The following KCNIP4 variants were observed in gnomAD, a reference collection of about 807,000 sequenced individuals.
KCNIP4 encodes the protein potassium voltage-gated channel interacting protein 4, also known as Kv channel-interacting protein 4.
In KCNIP4, 12 loss-of-function variants were observed where a neutral mutation model predicts 34.0. That is an observed-to-expected ratio of 0.35 (90% CI 0.23 to 0.57). KCNIP4 has a LOEUF of 0.57. Ranked by LOEUF, KCNIP4 falls within the 20% of genes least tolerant of loss-of-function variation. The pLI is 0.83. For synonymous variants in KCNIP4, 124 were observed against 102.2 expected (o/e 1.21, Z -1.29); for missense variants, 238 against 311.7 (o/e 0.76, Z 1.78).
chr4:20,887,940 A>C (rs1725501416), intron 1 of KCNIP4, among the ~76,000 whole-genome samples: 1 of 152,110 alleles, frequency 6.6e-6, no homozygotes, highest in African/African-American at 2.4e-5. Context: ...CAATAATAAC[A>C]TGAAAGTTGG....
chr4:20,938,731 AC>A (rs1266205275), intron 1 of KCNIP4, among the ~76,000 whole-genome samples: 1 of 152,164 alleles, frequency 6.6e-6, no homozygotes, highest in Non-Finnish European at 1.5e-5. Context: ...AAACAAAGAA[AC>A]AACACCTCTT....
chr4:21,652,191 A>T (rs772055074), intron 1 of KCNIP4, among the ~76,000 whole-genome samples: 1 of 152,154 alleles, frequency 6.6e-6, no homozygotes, highest in South Asian at 2.1e-4. Flanking sequence ...TGCTGGCTTG[A>T]CTATCACACC....
rs1177844370 is a variant in KCNIP4 at position 20,730,229 on chromosome 4, A to G, written c.706-100T>C. The G allele has an allele frequency of 2.9e-6, 4 of 1,389,060 alleles. No homozygotes were observed. In the East Asian group the frequency reaches 1.0e-4, roughly 35 times the overall value. 86.0% of individuals were successfully genotyped at this position (1,389,060 alleles called of 1,614,324 possible). A position where few individuals can be genotyped will look rare whatever the true frequency, so the allele number is the denominator to read the frequency against. ...TTGCCTCCTCCCATCAACCACCTCAACCACCTATGCCAAAAGCTCAAATAT... is the reference window on the plus strand; with the variant it reads ...TTGCCTCCTCCCATCAACCACCTCAGCCACCTATGCCAAAAGCTCAAATAT... On this transcript the variant is annotated intron_variant, in intron 8 of 8. Coordinates refer to ENST00000382152, the MANE Select transcript of KCNIP4 (RefSeq NM_025221.6).
intron 1 of KCNIP4, among the ~76,000 whole-genome samples, chr4:21,580,778 A>T (rs1006679266): frequency 1.3e-5 from 2 of 152,114 alleles, no homozygotes; most frequent in African/African-American, 4.8e-5. Flanking sequence ...TTAGTCAACA[A>T]GTACCTTATA....
At chr4:20,802,176 A>ATATATGC (rs1714354674) in intron 3 of KCNIP4, among the ~76,000 whole-genome samples, 8 of 115,750 alleles carry the variant, frequency 6.9e-5, no homozygotes, top group African/African-American at 2.6e-4. Context: ...TATATATGCT[A>ATATATGC]TATATATGCT....
At chr4:21,629,841 T>TTTTC (rs1257009807) in intron 1 of KCNIP4, among the ~76,000 whole-genome samples, 8 of 97,278 alleles carry the variant, frequency 8.2e-5, no homozygotes, top group East Asian at 3.4e-4. Flanking sequence ...TTCCTTTTCT[T>TTTTC]TTTCTTTCTT....
At chr4:21,094,586 T>A (rs1747302458) in intron 1 of KCNIP4, among the ~76,000 whole-genome samples, 1 of 152,190 alleles carries the variant, frequency 6.6e-6, no homozygotes, top group Non-Finnish European at 1.5e-5. Context: ...CGTCTCCTGA[T>A]AATCACATCC....
At chr4:21,469,499 T>TA (rs1251002282) in intron 1 of KCNIP4, among the ~76,000 whole-genome samples, 2 of 152,222 alleles carry the variant, frequency 1.3e-5, no homozygotes, top group African/African-American at 2.4e-5. Flanking sequence ...TATCTTCATC[T>TA]TAAAAACATG....
intron 1 of KCNIP4, among the ~76,000 whole-genome samples, chr4:21,084,502 A>G (rs1379106406): frequency 6.7e-6 from 1 of 149,198 alleles, no homozygotes; most frequent in Non-Finnish European, 1.5e-5. Flanking sequence ...AGGCCTGAGA[A>G]TAGACTGGGT....
At chr4:21,445,660 C>A (rs1362466261) in intron 1 of KCNIP4, among the ~76,000 whole-genome samples, 2 of 152,138 alleles carry the variant, frequency 1.3e-5, no homozygotes, top group Non-Finnish European at 2.9e-5. Context: ...AGACCTAAAA[C>A]CATAAAAACC....
chr4:21,264,984 G>A (rs373046967), intron 1 of KCNIP4, among the ~76,000 whole-genome samples: 139 of 151,924 alleles, frequency 9.1e-4, no homozygotes, highest in Admixed American at 2.2e-3. Flanking sequence ...CTGTGATCCC[G>A]GCAACTCGGG....
intron 1 of KCNIP4, among the ~76,000 whole-genome samples, chr4:21,471,179 C>A (rs2109805354): frequency 6.6e-6 from 1 of 152,236 alleles, no homozygotes; most frequent in South Asian, 2.1e-4. Context: ...CTCTCTGTGG[C>A]TTTTACTATC....
chr4:21,100,744 G>T (rs574929124), intron 1 of KCNIP4, among the ~76,000 whole-genome samples: 2 of 152,000 alleles, frequency 1.3e-5, no homozygotes, highest in South Asian at 4.2e-4. Context: ...TGTGTACATT[G>T]TTTTTTTAGA....
At chr4:20,943,315 A>C (rs898737706) in intron 1 of KCNIP4, among the ~76,000 whole-genome samples, 5 of 152,196 alleles carry the variant, frequency 3.3e-5, no homozygotes, top group African/African-American at 7.2e-5. Context: ...AGCAGTGTGC[A>C]TGCCAACCAG....
intron 1 of KCNIP4, among the ~76,000 whole-genome samples, chr4:21,947,536 T>C (rs993195910): frequency 6.6e-6 from 1 of 152,178 alleles, no homozygotes; most frequent in African/African-American, 2.4e-5. Flanking sequence ...CCATTTCTCA[T>C]GGCCATAAAT....
At chr4:20,789,384 A>G (rs1376586912) in intron 3 of KCNIP4, among the ~76,000 whole-genome samples, 1 of 152,220 alleles carries the variant, frequency 6.6e-6, no homozygotes, top group Admixed American at 6.5e-5. Context: ...AGACAAAAAA[A>G]GAAAGATACT....
At chr4:21,882,894 T>C (rs1027761819) in intron 1 of KCNIP4, among the ~76,000 whole-genome samples, 1 of 152,134 alleles carries the variant, frequency 6.6e-6, no homozygotes, top group Non-Finnish European at 1.5e-5. Flanking sequence ...ATAGTTTTGC[T>C]AATGTAGTAA....
At chr4:21,087,698 T>A (rs1200131031) in intron 1 of KCNIP4, among the ~76,000 whole-genome samples, 2 of 152,184 alleles carry the variant, frequency 1.3e-5, no homozygotes, top group African/African-American at 4.8e-5. Context: ...CAACCAGGTT[T>A]ATATCGCTCT....
At chr4:20,807,470 G>A (rs1715231129) in intron 3 of KCNIP4, among the ~76,000 whole-genome samples, 1 of 151,752 alleles carries the variant, frequency 6.6e-6, no homozygotes, top group Non-Finnish European at 1.5e-5. Flanking sequence ...CATGAGTTGA[G>A]AATAGTTTTT....
Sources: allele counts gnomAD v4.1 joint callset (sites outside exome capture counted in the v4.1 genomes callset), GRCh38; gene constraint gnomAD v4.1.1; transcripts MANE v1.5; gene names NCBI Gene and HGNC (gene_info 2026-07-23, HGNC 2026-07-21).